The following OR52N4 variants were observed in gnomAD, a reference collection of about 807,000 sequenced individuals.
OR52N4 encodes the protein olfactory receptor 52N4.
In OR52N4, 15 loss-of-function variants were observed where a neutral mutation model predicts 15.0. The observed-to-expected ratio is 1.00, with a 90% CI of 0.67 to 1.54. OR52N4 has a LOEUF of 1.54. OR52N4 is among the 40% of genes most tolerant of loss of function. OR52N4 has a pLI of 0.00. For synonymous variants in OR52N4, 143 were observed against 143.7 expected (o/e 1.00, Z 0.03); for missense variants, 421 against 394.0 (o/e 1.07, Z -0.58).
chr11:5,755,442 T>C lies in OR52N4; in HGVS notation c.702T>C (p.Asp234=), dbSNP rs763681661. 1 of 1,614,116 alleles carries C rather than the reference T, an allele frequency of 6.2e-7. No homozygotes were observed. Among genetic ancestry groups the C allele is most frequent in the Non-Finnish European group, 8.5e-7 (1 of 1,179,984 alleles). Residue 234 remains aspartate, a synonymous_variant, in exon 2 of 2, where the codon GAT becomes GAC. Coordinates refer to ENST00000641350, the MANE Select transcript of OR52N4 (RefSeq NM_001005175.5). ...LRAVVSLSSA[D]ARQKAFNTCT... is the part of the protein sequence containing the mutation. ...CAGTGGTCAGCCTCTCCTCAGCAGATGCTCGGCAGAAGGCCTTTAATACCT... is the reference window on the plus strand; with the variant it reads ...CAGTGGTCAGCCTCTCCTCAGCAGACGCTCGGCAGAAGGCCTTTAATACCT...
chr11:5,728,054 A>G, the OR52N4 span, among the ~76,000 whole-genome samples: 2 of 152,220 alleles, frequency 1.3e-5, no homozygotes, highest in Admixed American at 1.3e-4. Context: ...TCTATGAATG[A>G]GGGCACAAGA....
chr11:5,732,362 CT>C, the OR52N4 span, among the ~76,000 whole-genome samples: 1 of 152,124 alleles, frequency 6.6e-6, no homozygotes, highest in Admixed American at 6.6e-5. Context: ...ATTTCCTAGC[CT>C]TTAACTTACT....
the OR52N4 span, among the ~76,000 whole-genome samples, chr11:5,735,408 G>T: frequency 6.6e-6 from 1 of 151,936 alleles, no homozygotes; most frequent in South Asian, 2.1e-4. Flanking sequence ...TAATAATAAA[G>T]TATTGTATTT....
At chr11:5,737,354 A>G in the OR52N4 span, 4 of 1,614,086 alleles carry the variant, frequency 2.5e-6, no homozygotes, top group South Asian at 4.4e-5. Context: ...GGCTACTTTG[A>G]TTCCAGTTCT....
At chr11:5,735,333 G>A in the OR52N4 span, among the ~76,000 whole-genome samples, 2 of 151,936 alleles carry the variant, frequency 1.3e-5, no homozygotes, top group African/African-American at 4.8e-5. Context: ...ATCTGAGAGT[G>A]TTTTATGCAA....
the OR52N4 span, among the ~76,000 whole-genome samples, chr11:5,731,226 A>G: frequency 2.8e-4 from 43 of 152,316 alleles, no homozygotes; most frequent in African/African-American, 9.9e-4. Flanking sequence ...TTACTGCTCT[A>G]TTACTTCATA....
upstream of OR52N4, among the ~76,000 whole-genome samples, chr11:5,752,039 A>G (rs1051529205): frequency 1.3e-4 from 20 of 152,106 alleles, no homozygotes; most frequent in Admixed American, 7.2e-4. Flanking sequence ...AGGTTTGCCT[A>G]TCACAAAGCT....
chr11:5,752,486 G>A (rs1202702993), upstream of OR52N4, among the ~76,000 whole-genome samples: 1 of 152,122 alleles, frequency 6.6e-6, no homozygotes, highest in Non-Finnish European at 1.5e-5. Context: ...AGTTCATTTG[G>A]TGGCACTCAT....
the OR52N4 span, among the ~76,000 whole-genome samples, chr11:5,732,767 A>G: frequency 0.17 from 26,228 of 152,134 alleles, 2,494 homozygotes; most frequent in Admixed American, 0.27. Context: ...TTTTTCTCAA[A>G]TTGTTCCTTT....
At chr11:5,748,217 A>G in the OR52N4 span, among the ~76,000 whole-genome samples, 5 of 152,054 alleles carry the variant, frequency 3.3e-5, no homozygotes, top group African/African-American at 1.2e-4. Context: ...TATATAGTTA[A>G]TGCATAGCAA....
chr11:5,737,007 T>C, the OR52N4 span: 7 of 1,614,148 alleles, frequency 4.3e-6, no homozygotes, highest in Non-Finnish European at 5.9e-6. Context: ...AATGGCTTAT[T>C]TGTCACTCCA....
chr11:5,728,255 A>G, the OR52N4 span, among the ~76,000 whole-genome samples: 2 of 152,204 alleles, frequency 1.3e-5, no homozygotes, highest in Non-Finnish European at 2.9e-5. Context: ...TTATCTCCTG[A>G]ACCTATAAGA....
the OR52N4 span, among the ~76,000 whole-genome samples, chr11:5,729,300 T>C: frequency 6.6e-6 from 1 of 151,732 alleles, no homozygotes; most frequent in Admixed American, 6.6e-5. Flanking sequence ...TTTGTATTTT[T>C]TAGTAGAGAC....
the OR52N4 span, among the ~76,000 whole-genome samples, chr11:5,728,700 T>G: frequency 6.6e-6 from 1 of 152,184 alleles, no homozygotes; most frequent in Admixed American, 6.5e-5. Context: ...TCTTCAAAGC[T>G]CTGTCTCTGT....
At chr11:5,750,061 T>C (rs138483053), upstream of OR52N4, among the ~76,000 whole-genome samples, 6 of 152,092 alleles carry the variant, frequency 3.9e-5, no homozygotes, top group Admixed American at 2.0e-4. Flanking sequence ...AAACCAGTTT[T>C]AGTGACTAAA....
the OR52N4 span, chr11:5,737,520 C>G: frequency 6.4e-7 from 1 of 1,574,622 alleles, no homozygotes; most frequent in African/African-American, 1.4e-5. Flanking sequence ...ACATGAACCT[C>G]AGCTTCTCCT....
At chr11:5,747,222 T>C in the OR52N4 span, among the ~76,000 whole-genome samples, 4 of 151,926 alleles carry the variant, frequency 2.6e-5, no homozygotes, top group Admixed American at 2.6e-4. Flanking sequence ...TCCAGCTATT[T>C]GGAATTCCGA....
chr11:5,745,385 C>T, the OR52N4 span, among the ~76,000 whole-genome samples: 1 of 152,036 alleles, frequency 6.6e-6, no homozygotes, highest in Non-Finnish European at 1.5e-5. Context: ...AGATCAGTAG[C>T]ATTGTTATAC....
upstream of OR52N4, among the ~76,000 whole-genome samples, chr11:5,750,376 T>C (rs1264158051): frequency 6.6e-6 from 1 of 151,970 alleles, no homozygotes; most frequent in Non-Finnish European, 1.5e-5. Flanking sequence ...CATTTTCCAT[T>C]ACTTGAAATG....
Sources: gnomAD v4.1 joint callset for allele counts (sites outside exome capture counted in the v4.1 genomes callset) on GRCh38, gnomAD v4.1.1 for gene constraint, MANE v1.5 for transcripts, NCBI Gene and HGNC (gene_info 2026-07-23, HGNC 2026-07-21) for gene names.